Variants in SH3TC2 observed in about 807,000 individuals in gnomAD.
SH3TC2 encodes SH3 domain and tetratricopeptide repeat-containing protein 2.
In SH3TC2, 87 loss-of-function variants were observed where a neutral mutation model predicts 124.5. That is an observed-to-expected ratio of 0.70 (90% CI 0.59 to 0.84). The LOEUF is 0.84. Among genes scored for constraint, SH3TC2 ranks in the 40% least tolerant of loss-of-function variants. SH3TC2 has a pLI of 0.00. For missense variants in SH3TC2, 1,536 were observed against 1,566.4 expected, an observed-to-expected ratio of 0.98 and a Z score of 0.33; for synonymous variants, 634 against 628.5, an observed-to-expected ratio of 1.01 and a Z score of -0.13.
In SH3TC2 at chr5:148,993,696, T is replaced by A. The variant is rs1753457652; in HGVS notation, c.*11015A>T. On this transcript the variant is annotated 3_prime_UTR_variant, in exon 17 of 17. Coordinates refer to ENST00000515425, the MANE Select transcript of SH3TC2 (RefSeq NM_024577.4). ...TGTGCTTGGTAAGTGATGGAGGCAA[T>A]CATTTACAGATGATGCTCTGACAAG... is the stretch of plus-strand genomic sequence containing the variant. Among the ~76,000 whole-genome samples the A allele has an allele frequency of 6.6e-6, 1 of 152,158 alleles. No homozygotes were observed. The highest frequency in any genetic ancestry group is 1.5e-5 in the Non-Finnish European group (1 of 68,026).
chr5:149,031,745 CTCT>C, intron 8 of SH3TC2, 58 bp from the exon 9 acceptor site: 1 of 1,609,176 alleles, frequency 6.2e-7, no homozygotes. Flanking sequence ...ACTCCATCTC[CTCT>C]TCTCTCCACA....
At position 149,040,686 on chromosome 5, in the gene SH3TC2, G is replaced by A; in HGVS notation, c.732-9C>T. 6.2e-7 allele frequency: 1 copy of A among 1,613,680 alleles called. No homozygotes were observed. Among genetic ancestry groups the A allele is most frequent in the Non-Finnish European group, 8.5e-7 (1 of 1,179,612 alleles). On this transcript the variant is annotated splice_polypyrimidine_tract_variant and intron_variant, in intron 6 of 16. Transcript: ENST00000515425. ...AATTCTTTAGGAACCACCTGCCAAT[G>A]AAAACATGGGGTTTGCAAACACAGA...
rs775429372 is a variant in SH3TC2, at chr5:149,003,829, C to T, written c.*882G>A. The stretch of plus-strand genomic sequence containing the variant: ...CTGTACCACTGAACTCCAGCCTGGG[C>T]AACAGAGGAGAAACTGTCTCAAAAA... On this transcript the variant is annotated 3_prime_UTR_variant, in exon 17 of 17. Transcript: ENST00000515425. The T allele has an allele frequency of 3.4e-4, 97 of 288,500 alleles. 1 individual carries two copies. Among genetic ancestry groups the T allele is most frequent in the Non-Finnish European group, 7.2e-5 (11 of 152,266 alleles). The allele number at this position is 288,500 out of a possible 1,614,324, so 17.9% of individuals were successfully genotyped here.
At chr5:149,052,313 GT>G in intron 1 of SH3TC2, 73 bp from the exon 2 acceptor site, 1 of 1,236,294 alleles carries the variant, frequency 8.1e-7, no homozygotes, top group African/African-American at 1.5e-5. Context: ...CAAGGCTGTA[GT>G]TTTGGTCAAG....
intron 2 of SH3TC2, among the ~76,000 whole-genome samples, chr5:149,051,757 G>C (rs1754561492): frequency 1.3e-5 from 2 of 152,084 alleles, no homozygotes; most frequent in Admixed American, 1.3e-4. Context: ...TGCAGCCCAT[G>C]TATTTATTCA....
chr5:148,983,342 G>T lies in SH3TC2; in HGVS notation c.*21369C>A, dbSNP rs1303921689. On this transcript the variant is annotated 3_prime_UTR_variant, in exon 17 of 17. Coordinates refer to ENST00000515425, the MANE Select transcript of SH3TC2 (RefSeq NM_024577.4). ...CCTGGGTGTCATGAATACACCTGTG[G>T]CCTAAGATATGGTAATGGAGGGAAC... 2.0e-5 allele frequency among the ~76,000 whole-genome samples: 3 copies of T among 152,274 alleles called. No homozygotes were observed. Among genetic ancestry groups the T allele is most frequent in the Admixed American group, 6.5e-5 (1 of 15,288 alleles).
In SH3TC2 at chr5:149,031,592, G is replaced by C. The variant is rs769250455; in HGVS notation, c.1097C>G (p.Thr366Ser). ...KQTECSSFLHTLARTDITSVY... is the reference protein window; with the variant it reads ...KQTECSSFLHSLARTDITSVY... The stretch of plus-strand genomic sequence containing the variant: ...AGATGTGATGTCAGTGCGAGCAAGA[G>C]TGTGGAGGAAGCTGGAACACTCAGT... Residue 366 changes from threonine to serine, a missense_variant, in exon 9 of 17, where the codon ACT becomes AGT. Transcript: ENST00000515425. 22 of 1,614,064 alleles carry C rather than the reference G, an allele frequency of 1.4e-5. No homozygotes were observed. The African/African-American group carries it at 2.5e-4, about 19-fold the overall frequency.
At chr5:149,019,116 GA>G (rs1253813135) in intron 12 of SH3TC2, among the ~76,000 whole-genome samples, 1 of 152,096 alleles carries the variant, frequency 6.6e-6, no homozygotes, top group Non-Finnish European at 1.5e-5. Flanking sequence ...TCTGTGCCAG[GA>G]AAAAAATTGC....
At chr5:149,017,524 C>G (rs1580894411) in intron 12 of SH3TC2, among the ~76,000 whole-genome samples, 1 of 151,950 alleles carries the variant, frequency 6.6e-6, no homozygotes, top group Non-Finnish European at 1.5e-5. Context: ...GCCCCCCGCC[C>G]CACACACACA....
At chr5:149,006,856 G>A (rs1178477328) in intron 16 of SH3TC2, 25 bp downstream of exon 16, 3 of 1,610,506 alleles carry the variant, frequency 1.9e-6, no homozygotes, top group Non-Finnish European at 2.5e-6. Context: ...TGGCTGTCAG[G>A]AAATCTGGGA....
intron 2 of SH3TC2, among the ~76,000 whole-genome samples, chr5:149,050,046 G>A (rs187510425): frequency 1.2e-4 from 18 of 152,132 alleles, no homozygotes; most frequent in African/African-American, 4.1e-4. Context: ...TCCCCCATTC[G>A]TAGCCCCTGC....
intron 12 of SH3TC2, among the ~76,000 whole-genome samples, chr5:149,018,725 G>A (rs1249027808): frequency 6.6e-6 from 1 of 152,164 alleles, no homozygotes; most frequent in East Asian, 1.9e-4. Flanking sequence ...ATAGCCAGCT[G>A]ATCACCAAAA....
At chr5:149,023,656 T>C (rs979544415) in intron 12 of SH3TC2, among the ~76,000 whole-genome samples, 7 of 148,548 alleles carry the variant, frequency 4.7e-5, no homozygotes, top group Admixed American at 3.4e-4. Flanking sequence ...TGACCTCGGC[T>C]CACTGCAACC....
intron 1 of SH3TC2, among the ~76,000 whole-genome samples, chr5:149,054,708 G>T (rs1248976821): frequency 6.6e-6 from 1 of 152,218 alleles, no homozygotes; most frequent in African/African-American, 2.4e-5. Flanking sequence ...TATGGCAACA[G>T]TCAGCTGGGG....
intron 12 of SH3TC2, among the ~76,000 whole-genome samples, chr5:149,023,583 C>CTTT (rs5872108): frequency 9.3e-6 from 1 of 107,258 alleles, no homozygotes; most frequent in Admixed American, 1.0e-4. Context: ...TAGTGTAATC[C>CTTT]TTTTTTTTTT....
Position 148,996,809 on chromosome 5 carries a change from C to A in SH3TC2, c.*7902G>T, listed in dbSNP as rs1207684174. ...GAAGATCAAGTAGCTGAGAGTCATA[C>A]AGATCATGTTTAACTATGGTCCGCT... is the stretch of plus-strand genomic sequence containing the variant. On this transcript the variant is annotated 3_prime_UTR_variant, in exon 17 of 17. Coordinates refer to ENST00000515425, the MANE Select transcript of SH3TC2 (RefSeq NM_024577.4). Among the ~76,000 whole-genome samples, 1 of 152,152 alleles carries A rather than the reference C, an allele frequency of 6.6e-6. No individual in the cohort carries two copies. The highest frequency in any genetic ancestry group is 1.5e-5 in the Non-Finnish European group (1 of 68,030).
intron 8 of SH3TC2, among the ~76,000 whole-genome samples, chr5:149,033,808 G>A (rs1033041741): frequency 6.6e-6 from 1 of 152,108 alleles, no homozygotes; most frequent in African/African-American, 2.4e-5. Flanking sequence ...TTGGTACCAC[G>A]ATCCAAGAAT....
intron 16 of SH3TC2, among the ~76,000 whole-genome samples, 199 bp from the exon 17 acceptor site, chr5:149,005,101 A>G (rs562335205): frequency 2.9e-4 from 44 of 152,074 alleles, no homozygotes; most frequent in African/African-American, 9.4e-4. Context: ...ATTGCTAATC[A>G]CAGTGCCCTG....
rs1753276039 is a variant in SH3TC2, at chr5:148,983,063, A to C, written c.*21648T>G. Among the ~76,000 whole-genome samples the C allele has an allele frequency of 6.6e-6, 1 of 152,196 alleles. No homozygotes were observed. Among genetic ancestry groups the C allele is most frequent in the African/African-American group, 2.4e-5 (1 of 41,440 alleles). On this transcript the variant is annotated 3_prime_UTR_variant, in exon 17 of 17. Transcript: ENST00000515425. ...TCAGTGTCCCATCTATGGGATAAAG[A>C]GGGAGAACTAGCAGGTGTTTTAAAT... is the stretch of plus-strand genomic sequence containing the variant.
Sources: allele counts gnomAD v4.1 joint callset (sites outside exome capture counted in the v4.1 genomes callset), GRCh38; gene constraint gnomAD v4.1.1; transcripts MANE v1.5; gene names NCBI Gene and HGNC (gene_info 2026-07-23, HGNC 2026-07-21).